The following ATP8A2 variants were observed in gnomAD, a reference collection of about 807,000 sequenced individuals.
ATP8A2 encodes the protein ATPase phospholipid transporting 8A2, also known as phospholipid-transporting ATPase IB.
In ATP8A2, 100 loss-of-function variants were observed where a neutral mutation model predicts 165.6. The observed-to-expected ratio is 0.60, with a 90% confidence interval of 0.51 to 0.71. The LOEUF is 0.71. ATP8A2 is among the 30% of genes least tolerant of loss of function. ATP8A2 has a pLI of 0.00. For missense variants in ATP8A2, 1,227 were observed against 1,479.5 expected (o/e 0.83, Z 2.80); for synonymous variants, 543 against 548.8 (o/e 0.99, Z 0.15).
At chr13:25,867,743 G>A (rs958278314) in intron 33 of ATP8A2, among the ~76,000 whole-genome samples, 5 of 152,144 alleles carry the variant, frequency 3.3e-5, no homozygotes, top group African/African-American at 1.2e-4. Context: ...ATAGCAGCGA[G>A]TTTGCTCCTA....
At chr13:25,846,940 A>G (rs1199938140) in intron 30 of ATP8A2, among the ~76,000 whole-genome samples, 1 of 152,254 alleles carries the variant, frequency 6.6e-6, no homozygotes, top group South Asian at 2.1e-4. Context: ...ACAGTAAGGT[A>G]TGTGAAACAA....
rs374456247 is a variant in ATP8A2 at position 25,421,785 on chromosome 13, G to A, written c.77-47192G>A. On this transcript the variant is annotated intron_variant, in intron 1 of 36. Transcript: ENST00000381655. Reference sequence around the variant, plus strand: ...TCTATATAGCCTGCAGTGGCCCTACGTGGTGCCAAGCAAATTGCTGCAGAT... The same window carrying A: ...TCTATATAGCCTGCAGTGGCCCTACATGGTGCCAAGCAAATTGCTGCAGAT... Among the ~76,000 whole-genome samples the A allele has an allele frequency of 6.5e-4, 99 of 152,352 alleles. No homozygotes were observed. The South Asian group carries it at 0.019, about 29-fold the overall frequency.
At position 25,774,834 on chromosome 13, in the gene ATP8A2, A is replaced by T. The variant is rs749167703; in HGVS notation, c.2569-15A>T. 6.6e-7 allele frequency: 1 copy of T among 1,508,932 alleles called. No homozygotes were observed. The highest frequency in any genetic ancestry group is 9.2e-7 in the Non-Finnish European group (1 of 1,086,190). 93.5% of individuals were successfully genotyped at this position (1,508,932 alleles called of 1,614,324 possible). On this transcript the variant is annotated splice_polypyrimidine_tract_variant and intron_variant, in intron 26 of 36. Coordinates refer to ENST00000381655, the MANE Select transcript of ATP8A2 (RefSeq NM_016529.6). ...ATGATGGGCTCTTCTGAGCTTTGTAATTTTCCTTTTTCAGTTTTCCTACTT... is the reference window on the plus strand; with the variant it reads ...ATGATGGGCTCTTCTGAGCTTTGTATTTTTCCTTTTTCAGTTTTCCTACTT...
At chr13:25,779,542 G>T (rs1405049505) in intron 27 of ATP8A2, among the ~76,000 whole-genome samples, 2 of 152,152 alleles carry the variant, frequency 1.3e-5, no homozygotes, top group African/African-American at 2.4e-5. Context: ...GGCTCAGTCG[G>T]AGTAGTATTG....
chr13:25,813,412 G>GAT (rs1418983665), intron 27 of ATP8A2, among the ~76,000 whole-genome samples: 3 of 126,776 alleles, frequency 2.4e-5, no homozygotes, highest in Non-Finnish European at 3.3e-5. Context: ...GATATGATAT[G>GAT]ATATGATATA....
At chr13:25,531,421 A>T (rs190365619) in intron 4 of ATP8A2, among the ~76,000 whole-genome samples, 80 of 29,786 alleles carry the variant, frequency 2.7e-3, no homozygotes, top group Non-Finnish European at 3.9e-3. Context: ...TATATATATG[A>T]TATATATATG....
At chr13:25,825,124 G>A (rs1442810186) in intron 27 of ATP8A2, among the ~76,000 whole-genome samples, 2 of 104,206 alleles carry the variant, frequency 1.9e-5, no homozygotes, top group Admixed American at 1.0e-4. Flanking sequence ...GCTACTCATA[G>A]TTTCATTGTG....
At chr13:25,903,399 C>T (rs1346696725) in intron 33 of ATP8A2, among the ~76,000 whole-genome samples, 1 of 152,134 alleles carries the variant, frequency 6.6e-6, no homozygotes, top group African/African-American at 2.4e-5. Flanking sequence ...CATGTCACTT[C>T]CCACTAACCC....
At chr13:25,428,780 C>T (rs1347875705) in intron 1 of ATP8A2, among the ~76,000 whole-genome samples, 1 of 152,184 alleles carries the variant, frequency 6.6e-6, no homozygotes, top group Non-Finnish European at 1.5e-5. Flanking sequence ...ATTTGGGACC[C>T]CAGGGTCTTT....
intron 24 of ATP8A2, among the ~76,000 whole-genome samples, chr13:25,603,513 T>A (rs1314692625): frequency 6.7e-6 from 1 of 149,966 alleles, no homozygotes; most frequent in Non-Finnish European, 1.5e-5. Flanking sequence ...ATCTGGCTGC[T>A]GGAGTGAGCA....
At chr13:25,908,169 A>G (rs923304078) in intron 33 of ATP8A2, among the ~76,000 whole-genome samples, 1 of 152,206 alleles carries the variant, frequency 6.6e-6, no homozygotes, top group East Asian at 1.9e-4. Flanking sequence ...GTAACGCCCC[A>G]TGGTTTTCTA....
At chr13:25,880,911 A>T in intron 33 of ATP8A2, 2 of 456,150 alleles carry the variant, frequency 4.4e-6, no homozygotes, top group Non-Finnish European at 8.8e-6. Flanking sequence ...TCCTCAGAAA[A>T]ATTCCCCAAA....
chr13:25,925,875 G>A (rs1472797321), intron 33 of ATP8A2, among the ~76,000 whole-genome samples: 19 of 151,746 alleles, frequency 1.3e-4, no homozygotes, highest in South Asian at 4.2e-4. Context: ...CTACAGGCGC[G>A]CCACCATGCC....
intron 33 of ATP8A2, among the ~76,000 whole-genome samples, chr13:25,898,442 G>A (rs1307236524): frequency 1.3e-5 from 2 of 152,200 alleles, no homozygotes; most frequent in Non-Finnish European, 2.9e-5. Flanking sequence ...CCCTACTGGG[G>A]GGTGCCTCCA....
rs149247792 is a variant in ATP8A2 at position 25,793,953 on chromosome 13, C to T, written c.2679+18994C>T. Among the ~76,000 whole-genome samples, 12 of 152,196 alleles carry T rather than the reference C, an allele frequency of 7.9e-5. No homozygotes were observed. In the East Asian group the frequency reaches 2.3e-3, roughly 29 times the overall value. ...ATCCAGTTGCACATGACCAGAAGGC[C>T]CTGGAGAATGGTTTAAGCCATTTTG... On this transcript the variant is annotated intron_variant, in intron 27 of 36. Transcript: ENST00000381655.
At chr13:25,469,478 CCTT>C (rs1253873344) in intron 2 of ATP8A2, among the ~76,000 whole-genome samples, 1 of 152,174 alleles carries the variant, frequency 6.6e-6, no homozygotes, top group Non-Finnish European at 1.5e-5. Context: ...CAGTTGATAG[CCTT>C]CTTTAGCAAT....
rs114933671 is a variant in ATP8A2 at position 25,681,493 on chromosome 13, C to T, written c.2212-17680C>T. 4.2e-3 allele frequency among the ~76,000 whole-genome samples: 633 copies of T among 152,264 alleles called. 7 individuals are homozygous for T. Among genetic ancestry groups the T allele is most frequent in the African/African-American group, 0.014 (585 of 41,554 alleles). On this transcript the variant is annotated intron_variant, in intron 24 of 36. Coordinates refer to ENST00000381655, the MANE Select transcript of ATP8A2 (RefSeq NM_016529.6). ...TGCTGTGTGTACTCTCCAGTCCTGA[C>T]GCTGCAGGGTTAGGGCATTGGTGCC...
chr13:25,432,171 AT>A (rs1318870660), intron 1 of ATP8A2, among the ~76,000 whole-genome samples: 1 of 152,044 alleles, frequency 6.6e-6, no homozygotes, highest in Non-Finnish European at 1.5e-5. Context: ...TAATGTTTTC[AT>A]TTTAAAGATC....
At chr13:25,843,882 A>T (rs1951800990) in intron 30 of ATP8A2, among the ~76,000 whole-genome samples, 1 of 152,170 alleles carries the variant, frequency 6.6e-6, no homozygotes, top group African/African-American at 2.4e-5. Flanking sequence ...TACTTGAGAG[A>T]GGATCTGATC....
Sources: gnomAD v4.1 joint callset for allele counts (sites outside exome capture counted in the v4.1 genomes callset) on GRCh38, gnomAD v4.1.1 for gene constraint, MANE v1.5 for transcripts, NCBI Gene and HGNC (gene_info 2026-07-23, HGNC 2026-07-21) for gene names.